The following CACNA1D variants were observed in gnomAD, a reference collection of about 807,000 sequenced individuals.
CACNA1D encodes the protein calcium voltage-gated channel subunit alpha1 D, also known as voltage-dependent L-type calcium channel subunit alpha-1D.
Under a neutral mutation model 257.1 loss-of-function variants are expected in CACNA1D, and 55 were observed. That is an observed-to-expected ratio of 0.21 (90% CI 0.17 to 0.27). CACNA1D has a LOEUF of 0.27. Among genes scored for constraint, CACNA1D ranks in the 10% least tolerant of loss-of-function variants. CACNA1D has a pLI of 1.00. For missense variants in CACNA1D, 1,876 were observed against 2,784.0 expected (o/e 0.67, Z 7.34); for synonymous variants, 980 against 1,014.9 (o/e 0.97, Z 0.65).
intron 3 of CACNA1D, among the ~76,000 whole-genome samples, chr3:53,594,440 AC>A (rs973767694): frequency 2.2e-5 from 3 of 133,812 alleles, no homozygotes; most frequent in African/African-American, 7.7e-5. Flanking sequence ...GATAGCAGGT[AC>A]TGCTCTTGGC....
chr3:53,787,024 C>T (rs1373295483), intron 40 of CACNA1D, 72 bp downstream of exon 40: 2 of 1,504,010 alleles, frequency 1.3e-6, no homozygotes, highest in Non-Finnish European at 1.8e-6. Context: ...TACTAGAGAG[C>T]TGCCTATTCA....
At chr3:53,646,878 G>A (rs1013357077) in intron 3 of CACNA1D, among the ~76,000 whole-genome samples, 2 of 152,158 alleles carry the variant, frequency 1.3e-5, no homozygotes, top group Non-Finnish European at 2.9e-5. Context: ...TCTTAAAATA[G>A]GAAAGGAAAG....
intron 19 of CACNA1D, 34 bp from the exon 20 acceptor site, chr3:53,735,339 TG>T: frequency 1.2e-6 from 2 of 1,609,832 alleles, no homozygotes; most frequent in Non-Finnish European, 1.7e-6. Context: ...CCACCCTATC[TG>T]GGACTGTTTC....
Position 53,745,653 on chromosome 3 carries a change from C to G in CACNA1D, c.3036C>G (p.Ile1012Met). 1 of 1,613,996 alleles carries G rather than the reference C, an allele frequency of 6.2e-7. No individual in the cohort carries two copies. The change falls in exon 24 of 48, where the codon ATC (isoleucine) becomes ATG (methionine). Residue 1012 changes from isoleucine (I) to methionine (M), a missense_variant. Transcript: ENST00000350061. ...TGGTCCAGTGCGTCTTCGTGGCCATCCGGACCATCGGCAACATCATGATCG... is the reference window on the plus strand; with the variant it reads ...TGGTCCAGTGCGTCTTCGTGGCCATGCGGACCATCGGCAACATCATGATCG... ...KHVVQCVFVAIRTIGNIMIVT... is the reference protein window; with the variant it reads ...KHVVQCVFVAMRTIGNIMIVT...
chr3:53,504,592 G>C (rs2090748154), intron 3 of CACNA1D, among the ~76,000 whole-genome samples: 1 of 152,054 alleles, frequency 6.6e-6, no homozygotes, highest in African/African-American at 2.4e-5. Flanking sequence ...TCATGGAAAC[G>C]GTGCAACTCA....
At chr3:53,706,916 G>C (rs770415777) in intron 9 of CACNA1D, among the ~76,000 whole-genome samples, 1 of 152,082 alleles carries the variant, frequency 6.6e-6, no homozygotes, top group African/African-American at 2.4e-5. Context: ...GGTTCTCCTA[G>C]ACCGCTAACC....
chr3:53,784,232 A>G (rs1046159592), intron 39 of CACNA1D, among the ~76,000 whole-genome samples: 4 of 152,002 alleles, frequency 2.6e-5, no homozygotes, highest in African/African-American at 9.7e-5. Context: ...TTCCCGTGCC[A>G]TCTTGTGGGT....
chr3:53,507,289 T>G (rs563896355), intron 3 of CACNA1D, among the ~76,000 whole-genome samples: 2 of 152,258 alleles, frequency 1.3e-5, no homozygotes, highest in East Asian at 3.9e-4. Context: ...TATTGACGGC[T>G]TTTCCAAAAT....
At chr3:53,630,221 T>C (rs1285400791) in intron 3 of CACNA1D, among the ~76,000 whole-genome samples, 2 of 152,252 alleles carry the variant, frequency 1.3e-5, no homozygotes, top group Non-Finnish European at 2.9e-5. Flanking sequence ...TCCACTTGCT[T>C]GCACAGGCTA....
intron 8 of CACNA1D, 66 bp from the exon 9 acceptor site, chr3:53,702,575 C>T: frequency 6.7e-7 from 1 of 1,489,942 alleles, no homozygotes; most frequent in Non-Finnish European, 9.3e-7. Context: ...TGCAGTAGGG[C>T]AGTGGCTCAG....
At position 53,770,528 on chromosome 3, in the gene CACNA1D, G is replaced by T. The variant is rs753309350; in HGVS notation, c.4020G>T (p.Leu1340=). 10 of 1,613,912 alleles carry T rather than the reference G, an allele frequency of 6.2e-6. No individual in the cohort carries two copies. The South Asian group carries it at 1.1e-4, about 18-fold the overall frequency. ...GGGGGGAAGGCATCCGGACATTGCT[G>T]TGGACTTTTATTAAGTCCTTTCAGG... ...LSRGEGIRTL[L]WTFIKSFQAL... is the part of the protein sequence containing the mutation. Residue 1340 remains leucine (L), a synonymous_variant, in exon 32 of 48, where the codon CTG becomes CTT. Transcript: ENST00000350061.
At position 53,810,168 on chromosome 3, in the gene CACNA1D, G is replaced by A. The variant is rs748413924; in HGVS notation, c.6062G>A (p.Arg2021His). ...QVNGSLPSLH[R>H]SSWYTDEPDI... ...AACGGCAGCCTGCCGTCCCTGCACC[G>A]CAGCTCCTGGTACACAGACGAGCCC... The change falls in exon 47 of 48, where the codon CGC becomes CAC. Residue 2021 changes from arginine (R) to histidine (H), a missense_variant. Physicochemically the swap from Arg to His is conservative, Grantham distance 29. Around this residue, in one of 10 missense-constraint regions of CACNA1D, gnomAD observed 491 missense variants for 554.3 expected, o/e 0.89. Coordinates refer to ENST00000350061, the MANE Select transcript of CACNA1D (RefSeq NM_001128840.3). 15 of 1,613,856 alleles carry A rather than the reference G, an allele frequency of 9.3e-6. No individual in the cohort carries two copies. The highest frequency in any genetic ancestry group is 3.3e-5 in the Admixed American group (2 of 60,006).
chr3:53,634,161 G>C (rs186018783), intron 3 of CACNA1D, among the ~76,000 whole-genome samples: 20 of 152,304 alleles, frequency 1.3e-4, no homozygotes, highest in Admixed American at 1.1e-3. Context: ...CAGAAATCAA[G>C]TGGCTTGACA....
chr3:53,751,972 C>T lies in CACNA1D; in HGVS notation c.3675+65C>T. ...TCCGCACAGCCCCGTGCCCCAAATG[C>T]TGAGGGTGGAATGCTGCCCCTCACA... On this transcript the variant is annotated intron_variant, in intron 28 of 47. Transcript: ENST00000350061. The surrounding 1 kb of genome is among the most constrained non-coding windows in gnomAD (Gnocchi z 4.3). 1 of 1,508,996 alleles carries T rather than the reference C, an allele frequency of 6.6e-7. No individual in the cohort carries two copies. The highest frequency in any genetic ancestry group is 1.7e-5 in the Admixed American group (1 of 59,892). 93.5% of individuals were successfully genotyped at this position (1,508,996 alleles called of 1,614,324 possible).
At chr3:53,504,001 C>T (rs2107154099) in intron 3 of CACNA1D, among the ~76,000 whole-genome samples, 1 of 151,354 alleles carries the variant, frequency 6.6e-6, no homozygotes, top group South Asian at 2.1e-4. Context: ...TTCCTTCTGA[C>T]TCTAAGCAAG....
chr3:53,727,143 T>C, intron 15 of CACNA1D, 144 bp downstream of exon 15: 1 of 967,610 alleles, frequency 1.0e-6, no homozygotes, highest in Non-Finnish European at 1.7e-6. Flanking sequence ...CAATATCTGC[T>C]TTTCTTCCAT....
Position 53,805,124 on chromosome 3 carries a change from C to T in CACNA1D, c.5727C>T (p.Arg1909=), listed in dbSNP as rs1559720422. ...CYDSRRSPRR[R]LLPPTPASHR... The stretch of plus-strand genomic sequence containing the variant: ...ATTCACGGAGATCTCCAAGGAGACG[C>T]CTACTACCTCCCACCCCAGCATGTG... Residue 1909 remains arginine (R), a synonymous_variant, in exon 45 of 48, where the codon CGC becomes CGT. Transcript: ENST00000350061. The T allele has an allele frequency of 6.2e-7, 1 of 1,613,976 alleles. No individual in the cohort carries two copies. The highest frequency in any genetic ancestry group is 8.5e-7 in the Non-Finnish European group (1 of 1,180,008).
intron 37 of CACNA1D, 97 bp downstream of exon 37, chr3:53,777,053 T>G (rs941552898): frequency 1.1e-6 from 1 of 873,112 alleles, no homozygotes; most frequent in Non-Finnish European, 1.9e-6. Context: ...CTTCTGTCAG[T>G]TGCTAGGGAT....
chr3:53,646,097 C>A (rs1401492), intron 3 of CACNA1D, among the ~76,000 whole-genome samples: 1 of 152,066 alleles, frequency 6.6e-6, no homozygotes, highest in Non-Finnish European at 1.5e-5. Context: ...AAAGCAGGGA[C>A]GGCAAAGACA....
Sources: allele counts gnomAD v4.1 joint callset (sites outside exome capture counted in the v4.1 genomes callset), GRCh38; gene constraint gnomAD v4.1.1; regional missense constraint gnomAD v4.1.1; non-coding constraint Gnocchi (gnomAD v3.1); transcripts MANE v1.5; gene names NCBI Gene and HGNC (gene_info 2026-07-23, HGNC 2026-07-21).